Variants in EXT2 observed in about 807,000 individuals in gnomAD.
The protein encoded by EXT2 is exostosin glycosyltransferase 2.
EXT2 carries 53 observed loss-of-function variants against 81.6 expected under a neutral mutation model. The observed-to-expected ratio is 0.65, with a 90% confidence interval of 0.52 to 0.82. The LOEUF (loss-of-function observed/expected upper bound fraction) is 0.82, where lower values mean the gene tolerates loss of function less well. Ranked by LOEUF, EXT2 falls within the 40% of genes least tolerant of loss-of-function variation. The pLI is 0.00. For missense variants in EXT2, 774 were observed against 910.2 expected (o/e 0.85, Z 1.93); for synonymous variants, 320 against 340.0 (o/e 0.94, Z 0.65).
At chr11:44,211,058 A>G (rs1368854854) in intron 10 of EXT2, among the ~76,000 whole-genome samples, 1 of 152,246 alleles carries the variant, frequency 6.6e-6, no homozygotes, top group African/African-American at 2.4e-5. Flanking sequence ...CAAACTTGCT[A>G]TAAAGCTACG....
intron 7 of EXT2, among the ~76,000 whole-genome samples, chr11:44,149,632 A>T (rs1954766616): frequency 6.6e-6 from 1 of 152,224 alleles, no homozygotes; most frequent in African/African-American, 2.4e-5. Flanking sequence ...TTCATCATTT[A>T]GACCTCTTCC....
intron 7 of EXT2, among the ~76,000 whole-genome samples, chr11:44,152,453 C>G (rs1954804644): frequency 6.6e-6 from 1 of 152,088 alleles, no homozygotes; most frequent in African/African-American, 2.4e-5. Context: ...TGGGTTCAAG[C>G]AGTTCTCATG....
chr11:44,108,277 C>T, intron 2 of EXT2, 29 bp downstream of exon 2: 1 of 1,605,142 alleles, frequency 6.2e-7, no homozygotes, highest in African/African-American at 1.3e-5. Flanking sequence ...GCCCAGCCCC[C>T]AGGAGATACT....
chr11:44,225,206 C>G (rs1441439430), intron 10 of EXT2, among the ~76,000 whole-genome samples: 1 of 152,154 alleles, frequency 6.6e-6, no homozygotes, highest in Non-Finnish European at 1.5e-5. Context: ...CCAAGAGATT[C>G]ATTGCCTCAT....
chr11:44,144,467 C>T, intron 7 of EXT2: 1 of 789,934 alleles, frequency 1.3e-6, no homozygotes, highest in African/African-American at 1.7e-5. Flanking sequence ...CCCAATGGCT[C>T]TTGGAGGTGC....
At chr11:44,218,793 CTTTTTT>C (rs11368525) in intron 10 of EXT2, among the ~76,000 whole-genome samples, 11 of 92,298 alleles carry the variant, frequency 1.2e-4, no homozygotes, top group South Asian at 4.4e-4. Flanking sequence ...ATCTGCAATT[CTTTTTT>C]TTTTTTTTTT....
At chr11:44,098,321 C>T (rs1472888823) in intron 1 of EXT2, among the ~76,000 whole-genome samples, 1 of 151,858 alleles carries the variant, frequency 6.6e-6, no homozygotes, top group South Asian at 2.1e-4. Context: ...GTTGGAGTGT[C>T]CTGAGTCGGG....
intron 8 of EXT2, among the ~76,000 whole-genome samples, chr11:44,174,346 A>G (rs1955125173): frequency 6.6e-6 from 1 of 152,068 alleles, no homozygotes; most frequent in Non-Finnish European, 1.5e-5. Context: ...CCTTTGGGAA[A>G]CTTGCATTGC....
intron 4 of EXT2, among the ~76,000 whole-genome samples, chr11:44,118,138 A>G (rs1250521871): frequency 6.6e-6 from 1 of 152,240 alleles, no homozygotes; most frequent in African/African-American, 2.4e-5. Context: ...TACAAAACTA[A>G]TAACATTCAG....
intron 7 of EXT2, among the ~76,000 whole-genome samples, chr11:44,167,585 A>C (rs1334739044): frequency 1.3e-5 from 2 of 152,206 alleles, no homozygotes; most frequent in Non-Finnish European, 1.5e-5. Context: ...AGAATAAGTT[A>C]CAGTCTTAGG....
At chr11:44,170,492 T>C (rs541676559) in intron 7 of EXT2, among the ~76,000 whole-genome samples, 10 of 151,848 alleles carry the variant, frequency 6.6e-5, no homozygotes, top group Admixed American at 1.3e-4. Flanking sequence ...ATAGAAAGAA[T>C]TATGTTGTGG....
At chr11:44,213,081 G>A (rs1187400447) in intron 10 of EXT2, among the ~76,000 whole-genome samples, 1 of 152,074 alleles carries the variant, frequency 6.6e-6, no homozygotes, top group African/African-American at 2.4e-5. Context: ...ATTGTGGGAT[G>A]CAGCTAAAGC....
intron 8 of EXT2, among the ~76,000 whole-genome samples, chr11:44,176,688 A>G (rs775565822): frequency 6.6e-6 from 1 of 152,178 alleles, no homozygotes; most frequent in Non-Finnish European, 1.5e-5. Context: ...TGAGATTACT[A>G]TGAGCCCAAC....
rs970419739 is a variant in EXT2 at position 44,248,169 on chromosome 11, C to T, written c.*3882C>T. On this transcript the variant is annotated 3_prime_UTR_variant, in exon 14 of 14. Coordinates refer to ENST00000533608, the MANE Select transcript of EXT2 (RefSeq NM_207122.2). Reference sequence around the variant, plus strand: ...GCTGCTTTTTCCATTTCTCTTGGCTCGGGTACTCTTCCATTGCAGCAAGAG... The same window carrying T: ...GCTGCTTTTTCCATTTCTCTTGGCTTGGGTACTCTTCCATTGCAGCAAGAG... 1.3e-5 allele frequency among the ~76,000 whole-genome samples: 2 copies of T among 152,086 alleles called. No individual in the cohort carries two copies. The highest frequency in any genetic ancestry group is 2.4e-5 in the African/African-American group (1 of 41,400).
chr11:44,101,297 C>G (rs1953978519), intron 1 of EXT2, among the ~76,000 whole-genome samples: 1 of 152,154 alleles, frequency 6.6e-6, no homozygotes, highest in South Asian at 2.1e-4. Context: ...AGCTTGGACA[C>G]AACGACCCAT....
intron 10 of EXT2, among the ~76,000 whole-genome samples, chr11:44,223,681 G>A (rs548140167): frequency 2.7e-5 from 4 of 146,694 alleles, no homozygotes; most frequent in Non-Finnish European, 4.5e-5. Context: ...ACGGAGTCTC[G>A]CTCTGTCGCC....
intron 7 of EXT2, among the ~76,000 whole-genome samples, chr11:44,166,788 T>C (rs7124778): frequency 6.6e-6 from 1 of 152,040 alleles, no homozygotes; most frequent in South Asian, 2.1e-4. Flanking sequence ...TAGATCTGAA[T>C]GAAGCTGGAG....
intron 7 of EXT2, among the ~76,000 whole-genome samples, chr11:44,162,023 TG>T (rs972766693): frequency 2.6e-4 from 39 of 152,180 alleles, no homozygotes; most frequent in African/African-American, 9.4e-4. Context: ...AAATGCACTA[TG>T]GTGTCCTGGA....
intron 7 of EXT2, among the ~76,000 whole-genome samples, chr11:44,131,588 A>C (rs1954493684): frequency 6.6e-6 from 1 of 152,190 alleles, no homozygotes; most frequent in South Asian, 2.1e-4. Context: ...TGGGTTTCCC[A>C]ATTGTTATTT....
Sources: allele counts gnomAD v4.1 joint callset (sites outside exome capture counted in the v4.1 genomes callset), GRCh38; gene constraint gnomAD v4.1.1; transcripts MANE v1.5; gene names NCBI Gene and HGNC (gene_info 2026-07-23, HGNC 2026-07-21).